CCDC171: variants seen among roughly 807,000 people sequenced by gnomAD.
CCDC171 encodes coiled-coil domain containing 171.
Under a neutral mutation model 168.2 loss-of-function variants are expected in CCDC171, and 177 were observed. The ratio of observed to expected loss-of-function variants is 1.05; its 90% CI spans 0.93 to 1.19. CCDC171 has a LOEUF of 1.19. Among genes scored for constraint, CCDC171 ranks in the 50% most tolerant of loss-of-function variants. The pLI, the probability that CCDC171 is intolerant of heterozygous loss-of-function variation, is 0.00. For synonymous variants in CCDC171, 687 were observed against 540.8 expected (o/e 1.27, Z -3.75); for missense variants, 1,991 against 1,539.0 (o/e 1.29, Z -4.91).
At chr9:15,800,250 T>C (rs1299982187) in intron 21 of CCDC171, among the ~76,000 whole-genome samples, 1 of 152,056 alleles carries the variant, frequency 6.6e-6, no homozygotes, top group African/African-American at 2.4e-5. Context: ...ACAAAGGTTC[T>C]TTTTTCTCCC....
chr9:15,949,836 C>T (rs1401323996), intron 25 of CCDC171, among the ~76,000 whole-genome samples: 1 of 152,094 alleles, frequency 6.6e-6, no homozygotes, highest in Non-Finnish European at 1.5e-5. Context: ...GAACTTCTAA[C>T]ACTATGTTGA....
At chr9:16,099,268 T>C in the CCDC171 span, among the ~76,000 whole-genome samples, 4 of 152,278 alleles carry the variant, frequency 2.6e-5, no homozygotes, top group Admixed American at 6.5e-5. Flanking sequence ...GTCTGTGCCA[T>C]TGGGGTGCAC....
intron 25 of CCDC171, among the ~76,000 whole-genome samples, chr9:15,951,100 A>G (rs1353786719): frequency 6.7e-6 from 1 of 150,076 alleles, no homozygotes; most frequent in Non-Finnish European, 1.5e-5. Context: ...TGCACCCAAT[A>G]CAGGAGCACC....
chr9:15,908,691 AG>A (rs1440261600), intron 24 of CCDC171, among the ~76,000 whole-genome samples: 1 of 152,250 alleles, frequency 6.6e-6, no homozygotes, highest in Non-Finnish European at 1.5e-5. Context: ...TAATTTATAA[AG>A]AAAAGAAATT....
intron 10 of CCDC171, among the ~76,000 whole-genome samples, chr9:15,686,909 C>A (rs1226870099): frequency 6.6e-6 from 1 of 152,110 alleles, no homozygotes; most frequent in Non-Finnish European, 1.5e-5. Context: ...CAAATTAGAC[C>A]TTACAGATAT....
intron 7 of CCDC171, among the ~76,000 whole-genome samples, chr9:15,653,328 A>G (rs2047675055): frequency 6.6e-6 from 1 of 151,462 alleles, no homozygotes; most frequent in Non-Finnish European, 1.5e-5. Context: ...TTTTTGTAGA[A>G]TTGGTGCTTC....
At chr9:16,090,728 A>G in the CCDC171 span, among the ~76,000 whole-genome samples, 2 of 152,212 alleles carry the variant, frequency 1.3e-5, no homozygotes, top group African/African-American at 2.4e-5. Flanking sequence ...TTGAGCCTTT[A>G]TGAAGCCTAA....
At chr9:15,880,481 C>A (rs1465966894) in intron 24 of CCDC171, among the ~76,000 whole-genome samples, 2 of 140,090 alleles carry the variant, frequency 1.4e-5, no homozygotes, top group Non-Finnish European at 3.1e-5. Context: ...TTTTTTGAGA[C>A]GGAGTCTCTC....
downstream of CCDC171, among the ~76,000 whole-genome samples, chr9:15,976,876 G>C (rs12001192): frequency 2.0e-4 from 31 of 152,062 alleles, no homozygotes; most frequent in African/African-American, 6.5e-4. Context: ...GTTTAATTTA[G>C]TGAGAGAAAG....
chr9:15,989,256 C>A (rs535622672), intron 3 of CCDC171, among the ~76,000 whole-genome samples: 1 of 151,896 alleles, frequency 6.6e-6, no homozygotes, highest in East Asian at 1.9e-4. Context: ...CAGGCAGCAA[C>A]ATTTACTGTC....
chr9:15,646,992 T>G (rs2047094928), intron 7 of CCDC171, among the ~76,000 whole-genome samples: 1 of 152,168 alleles, frequency 6.6e-6, no homozygotes, highest in Admixed American at 6.5e-5. Context: ...ATTGACCACA[T>G]AGTTGGAAGT....
At chr9:15,672,123 T>A (rs1439207797) in intron 9 of CCDC171, among the ~76,000 whole-genome samples, 1 of 152,262 alleles carries the variant, frequency 6.6e-6, no homozygotes, top group Non-Finnish European at 1.5e-5. Context: ...TTTTTTCATA[T>A]GTCTGTTGGC....
At chr9:15,783,860 G>T (rs948959033) in intron 20 of CCDC171, among the ~76,000 whole-genome samples, 1 of 152,100 alleles carries the variant, frequency 6.6e-6, no homozygotes, top group Non-Finnish European at 1.5e-5. Context: ...AACAAATATT[G>T]AACACTCACT....
intron 3 of CCDC171, among the ~76,000 whole-genome samples, chr9:15,985,743 C>T (rs1384492615): frequency 6.6e-6 from 1 of 152,154 alleles, no homozygotes; most frequent in Non-Finnish European, 1.5e-5. Flanking sequence ...TTATTTATTT[C>T]TGATCTTCCC....
the CCDC171 span, among the ~76,000 whole-genome samples, chr9:16,103,527 T>G: frequency 6.6e-6 from 1 of 152,236 alleles, no homozygotes; most frequent in African/African-American, 2.4e-5. Context: ...CCCCTTGTTT[T>G]CATCTGCAGG....
chr9:15,717,209 G>T (rs1393904508), intron 11 of CCDC171, among the ~76,000 whole-genome samples: 4 of 152,164 alleles, frequency 2.6e-5, no homozygotes, highest in African/African-American at 4.8e-5. Flanking sequence ...GTGGGACTTT[G>T]CATTGAAGCT....
At chr9:15,883,082 G>A in intron 24 of CCDC171, 2 of 394,600 alleles carry the variant, frequency 5.1e-6, no homozygotes, top group South Asian at 3.3e-5. Context: ...AGGTTAGAGT[G>A]CAGTGGTGTG....
intron 11 of CCDC171, among the ~76,000 whole-genome samples, chr9:15,704,457 C>G (rs1326610752): frequency 6.6e-6 from 1 of 152,162 alleles, no homozygotes; most frequent in Non-Finnish European, 1.5e-5. Flanking sequence ...GGCGCTTTAC[C>G]TCCTTTTTGT....
chr9:15,600,084 A>G (rs1303661465), intron 6 of CCDC171, among the ~76,000 whole-genome samples: 1 of 152,054 alleles, frequency 6.6e-6, no homozygotes, highest in Non-Finnish European at 1.5e-5. Flanking sequence ...ATGGGTTCGA[A>G]CTTCCTCCTT....
Sources: allele counts gnomAD v4.1 joint callset (sites outside exome capture counted in the v4.1 genomes callset), GRCh38; gene constraint gnomAD v4.1.1; transcripts MANE v1.5; gene names NCBI Gene and HGNC (gene_info 2026-07-23, HGNC 2026-07-21).